Variants in ARIH1 observed in about 807,000 individuals in gnomAD.
The protein encoded by ARIH1 is E3 ubiquitin-protein ligase ARIH1.
A neutral mutation model predicts 85.0 loss-of-function variants in ARIH1; 8 were observed. That is an observed-to-expected ratio of 0.09 (90% CI 0.06 to 0.17). The LOEUF is 0.17. Ranked by LOEUF, ARIH1 falls within the 10% of genes least tolerant of loss-of-function variation. The pLI, the probability that ARIH1 is intolerant of heterozygous loss-of-function variation, is 1.00. For missense variants in ARIH1, 311 were observed against 718.1 expected (o/e 0.43, Z 6.48); for synonymous variants, 238 against 253.6 (o/e 0.94, Z 0.59).
At chr15:72,502,548 T>G in intron 1 of ARIH1, among the ~76,000 whole-genome samples, 1 of 152,206 alleles carries the variant, frequency 6.6e-6, no homozygotes, top group East Asian at 1.9e-4. Flanking sequence ...CTCATGGCTG[T>G]AATCCCAGCA....
intron 1 of ARIH1, among the ~76,000 whole-genome samples, chr15:72,511,305 C>T (rs1274687584): frequency 2.6e-5 from 4 of 151,800 alleles, no homozygotes; most frequent in Non-Finnish European, 5.9e-5. Context: ...TCTTTTCTTT[C>T]TTTCTTTCTT....
Position 72,602,319 on chromosome 15 carries a change from AT to A in ARIH1, c.*19032del, listed in dbSNP as rs1393683490. 1 of 152,220 alleles carries A rather than the reference AT, an allele frequency of 6.6e-6. No individual in the cohort carries two copies. Among genetic ancestry groups the A allele is most frequent in the African/African-American group, 2.4e-5 (1 of 41,462 alleles). The allele number at this position is 152,220 out of a possible 1,614,324, so 9.4% of individuals were successfully genotyped here. ...TTGTCCTCACAATTATGTCAGTGAAATTTTTGTTCTTTGCCAATGCAAGAAA... is the reference window on the plus strand; with the variant it reads ...TTGTCCTCACAATTATGTCAGTGAAATTTTGTTCTTTGCCAATGCAAGAAA... On this transcript the variant is annotated 3_prime_UTR_variant, in exon 14 of 14. Coordinates refer to ENST00000379887, the MANE Select transcript of ARIH1 (RefSeq NM_005744.5).
At chr15:72,571,676 G>T (rs1157788910) in intron 10 of ARIH1, among the ~76,000 whole-genome samples, 2 of 152,074 alleles carry the variant, frequency 1.3e-5, no homozygotes, top group Admixed American at 6.5e-5. Flanking sequence ...GAATAATCCT[G>T]GAAAATTAGA....
intron 1 of ARIH1, among the ~76,000 whole-genome samples, chr15:72,483,200 C>G (rs2063823429): frequency 6.6e-6 from 1 of 152,064 alleles, no homozygotes; most frequent in African/African-American, 2.4e-5. Flanking sequence ...GGAAGCTTCC[C>G]CTTCCGAGCT....
At chr15:72,573,613 T>C (rs1446997838) in intron 11 of ARIH1, among the ~76,000 whole-genome samples, 5 of 152,040 alleles carry the variant, frequency 3.3e-5, no homozygotes, top group Non-Finnish European at 7.4e-5. Flanking sequence ...ATAAATGATG[T>C]TTCACAGACC....
At chr15:72,480,005 C>G (rs1293330973) in intron 1 of ARIH1, among the ~76,000 whole-genome samples, 2 of 151,800 alleles carry the variant, frequency 1.3e-5, no homozygotes, top group African/African-American at 4.8e-5. Flanking sequence ...GTAGCTGGGA[C>G]TACAGGCAGC....
intron 12 of ARIH1, 49 bp downstream of exon 12, chr15:72,581,040 T>C: frequency 6.4e-7 from 1 of 1,554,980 alleles, no homozygotes; most frequent in Non-Finnish European, 8.7e-7. Flanking sequence ...ATCATAGGTC[T>C]ACCTGATCTT....
intron 1 of ARIH1, among the ~76,000 whole-genome samples, chr15:72,503,291 A>G (rs559151187): frequency 1.3e-5 from 2 of 152,340 alleles, no homozygotes; most frequent in East Asian, 3.9e-4. Context: ...TTTATTCTCC[A>G]GCATCTTGAG....
chr15:72,569,120 G>T (rs931407109), intron 9 of ARIH1, among the ~76,000 whole-genome samples: 1 of 151,986 alleles, frequency 6.6e-6, no homozygotes, highest in African/African-American at 2.4e-5. Context: ...ACCAACCTGG[G>T]CAACATGGTG....
chr15:72,520,009 AAAT>A (rs2063992558), intron 2 of ARIH1, among the ~76,000 whole-genome samples: 1 of 152,136 alleles, frequency 6.6e-6, no homozygotes, highest in African/African-American at 2.4e-5. Flanking sequence ...TTTTTCCATT[AAAT>A]ATTGTACTTA....
At chr15:72,528,372 G>A (rs1486966911) in intron 2 of ARIH1, among the ~76,000 whole-genome samples, 1 of 152,136 alleles carries the variant, frequency 6.6e-6, no homozygotes, top group Admixed American at 6.5e-5. Context: ...CCCATTTAAT[G>A]GGTAGGTACT....
intron 1 of ARIH1, among the ~76,000 whole-genome samples, chr15:72,482,897 A>G (rs1282914455): frequency 6.0e-5 from 9 of 148,962 alleles, no homozygotes; most frequent in African/African-American, 2.0e-4. Flanking sequence ...CTGGAGTGCA[A>G]TGGCATAATC....
rs967666601 is a variant in ARIH1 at position 72,589,073 on chromosome 15, G to A, written c.*5781G>A. 2.0e-5 allele frequency: 3 copies of A among 152,254 alleles called. No individual in the cohort carries two copies. The highest frequency in any genetic ancestry group is 4.4e-5 in the Non-Finnish European group (3 of 68,024). 9.4% of individuals were successfully genotyped at this position (152,254 alleles called of 1,614,324 possible). ...GCCATAGATTTCCCTTTTGTAAAAT[G>A]GGAATACTAATAGGAACTGTAATTT... On this transcript the variant is annotated 3_prime_UTR_variant, in exon 14 of 14. Transcript: ENST00000379887.
rs2063859584 is a variant in ARIH1, at chr15:72,491,578, A to C, written c.375+16564A>C. On this transcript the variant is annotated intron_variant, in intron 1 of 13. Transcript: ENST00000379887. Reference sequence around the variant, plus strand: ...ATGAATGAATTTTCTAATTGATTTTATTATTGATAAAAATAAGTCTTGGTA... The same window carrying C: ...ATGAATGAATTTTCTAATTGATTTTCTTATTGATAAAAATAAGTCTTGGTA... Among the ~76,000 whole-genome samples, 3 of 152,190 alleles carry C rather than the reference A, an allele frequency of 2.0e-5. No homozygotes were observed. The South Asian group carries it at 6.2e-4, about 32-fold the overall frequency.
intron 1 of ARIH1, among the ~76,000 whole-genome samples, chr15:72,498,504 T>G (rs2063889294): frequency 6.6e-6 from 1 of 152,226 alleles, no homozygotes; most frequent in Non-Finnish European, 1.5e-5. Context: ...ATGTTTATAT[T>G]TACATGTGTG....
intron 1 of ARIH1, among the ~76,000 whole-genome samples, chr15:72,501,336 G>A (rs2063902466): frequency 2.0e-5 from 3 of 152,018 alleles, no homozygotes; most frequent in Admixed American, 2.0e-4. Context: ...TAGATGTATG[G>A]TTTTCAAATA....
At position 72,474,910 on chromosome 15, in the gene ARIH1, C is replaced by T. The variant is rs1375923364; in HGVS notation, c.271C>T (p.Pro91Ser). 6.9e-6 allele frequency: 10 copies of T among 1,457,164 alleles called. No homozygotes were observed. The highest frequency in any genetic ancestry group is 8.2e-6 in the Non-Finnish European group (9 of 1,099,750). 90.3% of individuals were successfully genotyped at this position (1,457,164 alleles called of 1,614,324 possible). A position where few individuals can be genotyped will look rare whatever the true frequency, so the allele number is the denominator to read the frequency against. The change falls in exon 1 of 14, where the codon CCG (proline) becomes TCG (serine). Residue 91 changes from proline (P) to serine (S), a missense_variant. Physicochemically the swap from Pro to Ser is moderately conservative, Grantham distance 74. Transcript: ENST00000379887. ...GGGGGGGGGGPGHEQEEDYRY... is the reference protein window; with the variant it reads ...GGGGGGGGGGSGHEQEEDYRY... ...CGGCGGCGGCGGTGGTGGTGGCGGG[C>T]CGGGGCATGAGCAGGAGGAGGATTA... is the stretch of plus-strand genomic sequence containing the variant.
intron 7 of ARIH1, 84 bp from the exon 8 acceptor site, chr15:72,566,479 C>T: frequency 1.8e-6 from 2 of 1,099,356 alleles, no homozygotes; most frequent in Non-Finnish European, 2.8e-6. Flanking sequence ...TACTGTGGAA[C>T]TATAAGGCAT....
intron 1 of ARIH1, among the ~76,000 whole-genome samples, chr15:72,494,712 A>T (rs1011829936): frequency 3.4e-4 from 51 of 152,094 alleles, no homozygotes; most frequent in Admixed American, 5.2e-4. Flanking sequence ...GGATTAGGAA[A>T]CTGGGAGAGT....
Sources: gnomAD v4.1 joint callset for allele counts (sites outside exome capture counted in the v4.1 genomes callset) on GRCh38, gnomAD v4.1.1 for gene constraint, MANE v1.5 for transcripts, NCBI Gene and HGNC (gene_info 2026-07-23, HGNC 2026-07-21) for gene names.